The following SNTG1 variants were observed in gnomAD, a reference collection of about 807,000 sequenced individuals.
The protein encoded by SNTG1 is gamma-1-syntrophin.
A neutral mutation model predicts 74.7 loss-of-function variants in SNTG1; 39 were observed. The ratio of observed to expected loss-of-function variants is 0.52; its 90% CI spans 0.40 to 0.68. The LOEUF (loss-of-function observed/expected upper bound fraction) is 0.68, where lower values mean the gene tolerates loss of function less well. Among genes scored for constraint, SNTG1 ranks in the 30% least tolerant of loss-of-function variants. The pLI is 0.00. For synonymous variants in SNTG1, 254 were observed against 217.1 expected (o/e 1.17, Z -1.49); for missense variants, 685 against 609.5 (o/e 1.12, Z -1.30).
rs2095505986 is a variant in SNTG1 at position 50,728,767 on chromosome 8, G to C, written c.1284+19789G>C. On this transcript the variant is annotated intron_variant, in intron 17 of 18. Coordinates refer to ENST00000642720, the MANE Select transcript of SNTG1 (RefSeq NM_018967.5). ...GTATTAGGAGTGCTCATTGTTTGGG[G>C]CTTTTTCCTCGGACCCCTTTTTCCC... is the stretch of plus-strand genomic sequence containing the variant. Among the ~76,000 whole-genome samples, 4 of 152,178 alleles carry C rather than the reference G, an allele frequency of 2.6e-5. No homozygotes were observed. In the South Asian group the frequency reaches 8.3e-4, roughly 32 times the overall value.
At chr8:50,279,524 T>C (rs181273732) in intron 2 of SNTG1, among the ~76,000 whole-genome samples, 77 of 152,344 alleles carry the variant, frequency 5.1e-4, no homozygotes, top group South Asian at 1.0e-3. Flanking sequence ...AATACATTTA[T>C]CATATATGTG....
chr8:50,712,125 TC>T (rs2095463220), intron 17 of SNTG1, among the ~76,000 whole-genome samples: 1 of 152,184 alleles, frequency 6.6e-6, no homozygotes, highest in Non-Finnish European at 1.5e-5. Flanking sequence ...ATGCCTGCTG[TC>T]TCTTGAGAGA....
At chr8:50,724,880 A>G (rs942300625) in intron 17 of SNTG1, among the ~76,000 whole-genome samples, 2 of 152,194 alleles carry the variant, frequency 1.3e-5, no homozygotes, top group South Asian at 2.1e-4. Context: ...TTTGATAGAA[A>G]TAAATTTCTA....
intron 9 of SNTG1, 48 bp downstream of exon 9, chr8:50,502,928 A>G (rs2093975460): frequency 7.1e-7 from 1 of 1,398,998 alleles, no homozygotes. Context: ...CATTATAGTT[A>G]CATAATTATT....
intron 2 of SNTG1, among the ~76,000 whole-genome samples, chr8:50,244,523 G>A (rs998951095): frequency 6.6e-6 from 1 of 152,134 alleles, no homozygotes; most frequent in African/African-American, 2.4e-5. Flanking sequence ...CCAAAAGTCT[G>A]TGAATGTCCT....
At chr8:50,778,423 T>C (rs2095647829) in intron 18 of SNTG1, among the ~76,000 whole-genome samples, 1 of 151,998 alleles carries the variant, frequency 6.6e-6, no homozygotes, top group African/African-American at 2.4e-5. Flanking sequence ...TATCTCATTG[T>C]GGTTTTGATT....
chr8:50,226,540 G>C (rs1465097521), intron 2 of SNTG1, among the ~76,000 whole-genome samples: 1 of 152,140 alleles, frequency 6.6e-6, no homozygotes, highest in African/African-American at 2.4e-5. Context: ...GACTTCAAAA[G>C]ATCCGTGGTC....
chr8:50,585,426 C>T (rs1194719570), intron 12 of SNTG1, among the ~76,000 whole-genome samples: 1 of 152,136 alleles, frequency 6.6e-6, no homozygotes, highest in East Asian at 1.9e-4. Flanking sequence ...CAAACACAGC[C>T]TTTATTTTAG....
At chr8:50,513,915 C>T (rs1053293411) in intron 9 of SNTG1, among the ~76,000 whole-genome samples, 1 of 152,138 alleles carries the variant, frequency 6.6e-6, no homozygotes, top group Non-Finnish European at 1.5e-5. Flanking sequence ...GCACTGCACC[C>T]ACTCTCCTGC....
intron 1 of SNTG1, among the ~76,000 whole-genome samples, chr8:50,144,603 A>G (rs1011396984): frequency 1.1e-4 from 17 of 152,094 alleles, no homozygotes; most frequent in African/African-American, 3.9e-4. Flanking sequence ...CAAAAATAGG[A>G]CTGGGGATCA....
chr8:50,037,453 C>T (rs1025046134), intron 1 of SNTG1, among the ~76,000 whole-genome samples: 1 of 152,114 alleles, frequency 6.6e-6, no homozygotes, highest in South Asian at 2.1e-4. Context: ...CTGGTTCACT[C>T]GTGCTCCCTA....
intron 15 of SNTG1, among the ~76,000 whole-genome samples, chr8:50,693,054 G>T (rs372095281): frequency 3.4e-4 from 52 of 152,334 alleles, no homozygotes; most frequent in East Asian, 1.9e-3. Flanking sequence ...CTCTGAGCCA[G>T]GTGCAGGATA....
chr8:50,119,141 TTTC>T (rs2080918185), intron 1 of SNTG1, among the ~76,000 whole-genome samples: 1 of 141,162 alleles, frequency 7.1e-6, no homozygotes, highest in African/African-American at 2.6e-5. Context: ...TATTTCTGAT[TTTC>T]TTTTTTCAGT....
chr8:50,075,052 G>A (rs767691878), intron 1 of SNTG1, among the ~76,000 whole-genome samples: 2 of 152,168 alleles, frequency 1.3e-5, no homozygotes, highest in Non-Finnish European at 2.9e-5. Context: ...ACTGCCGGCC[G>A]CCCACACTGC....
At position 50,609,770 on chromosome 8, in the gene SNTG1, T is replaced by A. The variant is rs192990750; in HGVS notation, c.849+18853T>A. Among the ~76,000 whole-genome samples the A allele has an allele frequency of 1.5e-3, 233 of 152,240 alleles. 1 individual carries two copies. Among genetic ancestry groups the A allele is most frequent in the African/African-American group, 5.4e-3 (223 of 41,590 alleles). ...GGATAATTTCTATTAATCTATCTTT[T>A]AGTTTACTAATTATTTTTCCTGGCT... On this transcript the variant is annotated intron_variant, in intron 13 of 18. Transcript: ENST00000642720.
At chr8:50,230,102 A>G (rs1016836834) in intron 2 of SNTG1, among the ~76,000 whole-genome samples, 2 of 151,470 alleles carry the variant, frequency 1.3e-5, no homozygotes, top group Non-Finnish European at 3.0e-5. Context: ...GGTGATTTAC[A>G]GCATTAACAA....
intron 1 of SNTG1, among the ~76,000 whole-genome samples, chr8:50,104,044 C>A (rs943651060): frequency 1.3e-5 from 2 of 151,968 alleles, no homozygotes; most frequent in Non-Finnish European, 2.9e-5. Context: ...TGTCTCTGCC[C>A]AGCTTTGGCA....
intron 2 of SNTG1, among the ~76,000 whole-genome samples, chr8:50,367,892 C>T (rs2092160385): frequency 6.6e-6 from 1 of 152,040 alleles, no homozygotes. Context: ...ATAACTAATA[C>T]CTAAAAATGT....
At chr8:50,052,342 C>A (rs901305280) in intron 1 of SNTG1, among the ~76,000 whole-genome samples, 1 of 152,034 alleles carries the variant, frequency 6.6e-6, no homozygotes, top group Non-Finnish European at 1.5e-5. Context: ...GTATTTTTAT[C>A]CAACGGCACA....
Sources: gnomAD v4.1 joint callset for allele counts (sites outside exome capture counted in the v4.1 genomes callset) on GRCh38, gnomAD v4.1.1 for gene constraint, MANE v1.5 for transcripts, NCBI Gene and HGNC (gene_info 2026-07-23, HGNC 2026-07-21) for gene names.